The following TRPC5 variants were observed in gnomAD, a reference collection of about 807,000 sequenced individuals.
TRPC5 encodes transient receptor potential cation channel subfamily C member 5.
TRPC5 carries 9 observed loss-of-function variants against 56.5 expected under a neutral mutation model. The ratio of observed to expected loss-of-function variants is 0.16; its 90% confidence interval spans 0.10 to 0.28. TRPC5 has a LOEUF of 0.28. TRPC5 is among the 10% of genes least tolerant of loss of function. The pLI, the probability that TRPC5 is intolerant of heterozygous loss-of-function variation, is 1.00. For synonymous variants in TRPC5, 282 were observed against 278.5 expected (o/e 1.01, Z -0.13); for missense variants, 469 against 748.9 (o/e 0.63, Z 4.36).
At chrX:112,033,406 G>C (rs1252766598) in intron 1 of TRPC5, among the ~76,000 whole-genome samples, 1 of 108,032 alleles carries the variant, frequency 9.3e-6, no homozygotes, top group African/African-American at 3.4e-5. Flanking sequence ...TTATTGAGTA[G>C]CAGGAGTTCT....
intron 1 of TRPC5, among the ~76,000 whole-genome samples, chrX:111,959,092 T>A (rs1215315301): frequency 1.8e-5 from 2 of 112,359 alleles, no homozygotes; most frequent in African/African-American, 6.5e-5. Context: ...TGAAGCCATA[T>A]GAAGAAATAA....
intron 1 of TRPC5, among the ~76,000 whole-genome samples, chrX:111,994,137 C>A (rs1045592978): frequency 2.7e-5 from 3 of 111,829 alleles, no homozygotes; most frequent in African/African-American, 9.8e-5. Context: ...TCAGTTTTCC[C>A]AGCACCATTT....
intron 7 of TRPC5, among the ~76,000 whole-genome samples, chrX:111,798,732 A>T (rs78976504): frequency 6.3e-5 from 7 of 111,843 alleles, no homozygotes; most frequent in Non-Finnish European, 1.3e-4. Context: ...TTTTTGCAAA[A>T]TACCTTTATT....
chrX:111,835,157 A>G (rs1364795585), intron 6 of TRPC5, 41 bp from the exon 7 acceptor site: 27 of 1,078,878 alleles, frequency 2.5e-5, no homozygotes, highest in Non-Finnish European at 3.2e-5. Context: ...TTCTTTAAGA[A>G]GAGCAAGAAA....
chrX:111,840,095 G>A (rs1451822958), intron 6 of TRPC5, among the ~76,000 whole-genome samples: 5 of 112,457 alleles, frequency 4.4e-5, no homozygotes, highest in African/African-American at 6.5e-5. Context: ...GTGTGAACCC[G>A]GGAGGTGGAG....
Position 112,082,178 on chromosome X carries a change from T to C in TRPC5, c.-321A>G, listed in dbSNP as rs3027694. The C allele has an allele frequency of 0.036, 3,978 of 111,428 alleles. 179 individuals are homozygous for C. Among genetic ancestry groups the C allele is most frequent in the African/African-American group, 0.12 (3,760 of 30,389 alleles). 9.2% of individuals were successfully genotyped at this position (111,428 alleles called of 1,213,427 possible). On this transcript the variant is annotated 5_prime_UTR_variant, in exon 1 of 11. Transcript: ENST00000262839. Reference sequence around the variant, plus strand: ...TCACCTTTCACCTTCGCCAGTGCCCTGAAACTCTTTGCTCTACCAATGTCC... The same window carrying C: ...TCACCTTTCACCTTCGCCAGTGCCCCGAAACTCTTTGCTCTACCAATGTCC...
intron 1 of TRPC5, among the ~76,000 whole-genome samples, chrX:111,960,448 A>G (rs751194379): frequency 3.6e-5 from 4 of 112,445 alleles, no homozygotes; most frequent in East Asian, 2.8e-4. Flanking sequence ...AAAAAGTTAT[A>G]TATTTGTTTC....
intron 1 of TRPC5, among the ~76,000 whole-genome samples, chrX:111,979,213 T>C (rs1229376455): frequency 9.0e-6 from 1 of 111,265 alleles, no homozygotes; most frequent in East Asian, 2.8e-4. Context: ...TAAAGGCAAT[T>C]CGTGGATAAA....
intron 10 of TRPC5, 83 bp downstream of exon 10, chrX:111,778,902 C>G: frequency 1.5e-6 from 1 of 658,371 alleles, no homozygotes; most frequent in Non-Finnish European, 2.3e-6. Context: ...GATGAAATTC[C>G]ATCACCAGAA....
chrX:111,972,232 C>T (rs765887435), intron 1 of TRPC5, among the ~76,000 whole-genome samples: 2 of 111,788 alleles, frequency 1.8e-5, no homozygotes, highest in Admixed American at 9.6e-5. Context: ...ACCGTGCTTA[C>T]AATCCTTTTT....
intron 6 of TRPC5, among the ~76,000 whole-genome samples, chrX:111,843,052 A>G (rs768015788): frequency 8.9e-6 from 1 of 112,893 alleles, no homozygotes; most frequent in African/African-American, 3.2e-5. Flanking sequence ...ACAGCTATGC[A>G]AGATGTTATG....
At chrX:111,919,384 G>A (rs1252340737) in intron 2 of TRPC5, among the ~76,000 whole-genome samples, 1 of 111,853 alleles carries the variant, frequency 8.9e-6, no homozygotes, top group African/African-American at 3.3e-5. Flanking sequence ...TGGAAGCTTT[G>A]TTCTTTCACT....
chrX:112,030,981 C>A (rs1929572951), intron 1 of TRPC5, among the ~76,000 whole-genome samples: 1 of 111,477 alleles, frequency 9.0e-6, no homozygotes, highest in South Asian at 3.8e-4. Context: ...AAGTTTGAGT[C>A]AGCTAAGTAA....
intron 2 of TRPC5, among the ~76,000 whole-genome samples, chrX:111,923,694 T>A (rs976518351): frequency 8.9e-6 from 1 of 111,770 alleles, no homozygotes; most frequent in African/African-American, 3.2e-5. Flanking sequence ...GAGACAGCCC[T>A]CCCTGAAGGC....
At chrX:111,978,456 C>G (rs1260837279) in intron 1 of TRPC5, among the ~76,000 whole-genome samples, 2 of 111,487 alleles carry the variant, frequency 1.8e-5, no homozygotes, top group African/African-American at 6.5e-5. Context: ...AAGGGTACAA[C>G]ATTTCATCTT....
chrX:111,878,576 T>G (rs1924064310), intron 3 of TRPC5, among the ~76,000 whole-genome samples: 1 of 111,906 alleles, frequency 8.9e-6, no homozygotes, highest in Admixed American at 9.5e-5. Context: ...GACTGTTCTG[T>G]GTACTGTAGG....
intron 1 of TRPC5, among the ~76,000 whole-genome samples, chrX:111,962,841 G>T (rs781743280): frequency 4.5e-5 from 5 of 111,823 alleles, no homozygotes; most frequent in Non-Finnish European, 7.5e-5. Flanking sequence ...AAATTGCCGG[G>T]GGTGGAGCCA....
At chrX:112,019,563 C>G (rs988071037) in intron 1 of TRPC5, among the ~76,000 whole-genome samples, 3 of 110,794 alleles carry the variant, frequency 2.7e-5, no homozygotes, top group East Asian at 5.7e-4. Context: ...AGCCTCCCGA[C>G]TAGCCAGGAC....
intron 1 of TRPC5, among the ~76,000 whole-genome samples, chrX:112,065,029 G>A (rs981029701): frequency 4.8e-5 from 5 of 103,843 alleles, no homozygotes; most frequent in Non-Finnish European, 7.8e-5. Flanking sequence ...AGCCATGATC[G>A]CACCACTGCA....
Sources: gnomAD v4.1 joint callset for allele counts (sites outside exome capture counted in the v4.1 genomes callset) on GRCh38, gnomAD v4.1.1 for gene constraint, MANE v1.5 for transcripts, NCBI Gene and HGNC (gene_info 2026-07-23, HGNC 2026-07-21) for gene names.